The following SLC8A1 variants were observed in gnomAD, a reference collection of about 807,000 sequenced individuals.
SLC8A1 encodes the protein sodium/calcium exchanger 1.
In SLC8A1, 18 loss-of-function variants were observed where a neutral mutation model predicts 68.3. The observed-to-expected ratio is 0.26, with a 90% CI of 0.18 to 0.39. The LOEUF (loss-of-function observed/expected upper bound fraction) is 0.39, where lower values mean the gene tolerates loss of function less well. Ranked by LOEUF, SLC8A1 falls within the 10% of genes least tolerant of loss-of-function variation. SLC8A1 has a pLI of 1.00. For synonymous variants in SLC8A1, 475 were observed against 415.5 expected, an observed-to-expected ratio of 1.14 and a Z score of -1.74; for missense variants, 985 against 1,156.7, an observed-to-expected ratio of 0.85 and a Z score of 2.15.
chr2:40,483,050 C>T (rs969574792), intron 1 of SLC8A1, among the ~76,000 whole-genome samples: 14 of 151,298 alleles, frequency 9.3e-5, no homozygotes, highest in Admixed American at 6.6e-4. Flanking sequence ...GTGATCCGCC[C>T]GCCTCGGGCT....
At chr2:40,417,871 A>G (rs1409267685) in intron 2 of SLC8A1, among the ~76,000 whole-genome samples, 1 of 64,110 alleles carries the variant, frequency 1.6e-5, no homozygotes, top group Non-Finnish European at 2.5e-5. Context: ...TTGGATGGAT[A>G]CACACACACA....
At chr2:40,266,962 T>C (rs942052010) in intron 2 of SLC8A1, among the ~76,000 whole-genome samples, 4 of 152,182 alleles carry the variant, frequency 2.6e-5, no homozygotes, top group African/African-American at 9.7e-5. Context: ...CCCATAGAAC[T>C]GGATGTACAG....
At chr2:40,484,243 G>A (rs942881615) in intron 1 of SLC8A1, among the ~76,000 whole-genome samples, 2 of 152,186 alleles carry the variant, frequency 1.3e-5, no homozygotes, top group African/African-American at 4.8e-5. Flanking sequence ...GTTGACAGTG[G>A]TAGTGGGAGC....
At chr2:40,474,022 A>G (rs1187236103) in intron 1 of SLC8A1, among the ~76,000 whole-genome samples, 8 of 152,324 alleles carry the variant, frequency 5.3e-5, no homozygotes. Context: ...AAAATAAGTT[A>G]CATGATCTAG....
intron 2 of SLC8A1, among the ~76,000 whole-genome samples, chr2:40,291,897 TCTTTA>T (rs1481545765): frequency 1.3e-5 from 2 of 149,850 alleles, no homozygotes; most frequent in African/African-American, 5.0e-5. Context: ...GGACAAGACA[TCTTTA>T]CTTTTTTTTT....
chr2:40,289,036 C>T (rs1379868252), intron 2 of SLC8A1, among the ~76,000 whole-genome samples: 2 of 151,434 alleles, frequency 1.3e-5, no homozygotes, highest in African/African-American at 4.9e-5. Flanking sequence ...CAATATTATC[C>T]TATGTTCTAT....
chr2:40,453,375 G>GT (rs574047299), upstream of SLC8A1: 1,063 of 152,078 alleles, frequency 7.0e-3, 11 homozygotes, highest in Non-Finnish European at 0.011. Context: ...CAGAAAGTTA[G>GT]TTTTTTTTCG....
chr2:40,345,238 G>A (rs542888833), intron 2 of SLC8A1, among the ~76,000 whole-genome samples: 104 of 152,146 alleles, frequency 6.8e-4, no homozygotes, highest in Non-Finnish European at 1.0e-3. Flanking sequence ...AATTTCACTA[G>A]GGGCCCTGCT....
intron 4 of SLC8A1, among the ~76,000 whole-genome samples, chr2:40,170,865 TC>T (rs1451790232): frequency 2.7e-4 from 41 of 152,278 alleles, no homozygotes; most frequent in Non-Finnish European, 4.0e-4. Context: ...CTCCAGTTTC[TC>T]CCCATGTAAA....
intron 2 of SLC8A1, among the ~76,000 whole-genome samples, chr2:40,411,089 C>T (rs947652644): frequency 9.2e-5 from 14 of 151,932 alleles, no homozygotes; most frequent in East Asian, 3.9e-4. Context: ...GACTTTCATA[C>T]GAAATAAATG....
At chr2:40,237,921 G>T (rs536547514) in intron 2 of SLC8A1, among the ~76,000 whole-genome samples, 13 of 122,900 alleles carry the variant, frequency 1.1e-4, no homozygotes, top group African/African-American at 3.3e-4. Context: ...CTGCTCGGGG[G>T]TCAGGGGTCA....
chr2:40,422,130 C>T (rs1019509312), intron 2 of SLC8A1, among the ~76,000 whole-genome samples: 1 of 152,046 alleles, frequency 6.6e-6, no homozygotes, highest in African/African-American at 2.4e-5. Flanking sequence ...ATGCCACTTA[C>T]CCACAGTACA....
intron 7 of SLC8A1, among the ~76,000 whole-genome samples, chr2:40,119,248 T>G (rs1020267768): frequency 1.2e-4 from 19 of 152,178 alleles, no homozygotes; most frequent in Admixed American, 7.9e-4. Context: ...AACATGTTTT[T>G]GGCTACTTTG....
At chr2:40,245,367 G>A (rs577800556) in intron 2 of SLC8A1, among the ~76,000 whole-genome samples, 6 of 140,096 alleles carry the variant, frequency 4.3e-5, no homozygotes, top group East Asian at 4.2e-4. Context: ...CATTCAAGTC[G>A]TTATTTTCCT....
At chr2:40,253,041 G>GTATATATGTATATACATA (rs1249918618) in intron 2 of SLC8A1, among the ~76,000 whole-genome samples, 1 of 29,312 alleles carries the variant, frequency 3.4e-5, no homozygotes, top group Admixed American at 5.3e-4. Flanking sequence ...ATATGTATCA[G>GTATATATGTATATACATA]TATATGTATA....
chr2:40,195,902 T>G (rs144144789), intron 2 of SLC8A1: 1 of 152,040 alleles, frequency 6.6e-6, no homozygotes, highest in African/African-American at 2.4e-5. Context: ...CAAAGAAATG[T>G]GAAATCCAAT....
intron 2 of SLC8A1, among the ~76,000 whole-genome samples, chr2:40,250,789 A>T (rs1377508493): frequency 6.6e-6 from 1 of 152,152 alleles, no homozygotes; most frequent in Non-Finnish European, 1.5e-5. Context: ...GGAAAGGCAA[A>T]TGGGATGTTT....
rs12988182 is a variant in SLC8A1 at position 40,253,325 on chromosome 2, T to C, written c.1809-75470A>G. Among the ~76,000 whole-genome samples the C allele has an allele frequency of 8.6e-3, 1,304 of 151,172 alleles. 10 individuals carry two copies. The highest frequency in any genetic ancestry group is 0.014 in the Non-Finnish European group (941 of 67,786). On this transcript the variant is annotated intron_variant, in intron 2 of 7. Transcript: ENST00000406785. Reference sequence around the variant, plus strand: ...ATATATACACATATATACACACACATATATGTGTATATATATACACACACA... The same window carrying C: ...ATATATACACATATATACACACACACATATGTGTATATATATACACACACA...
intron 2 of SLC8A1, among the ~76,000 whole-genome samples, chr2:40,339,778 T>C (rs747735823): frequency 6.6e-6 from 1 of 152,186 alleles, no homozygotes; most frequent in Non-Finnish European, 1.5e-5. Flanking sequence ...CTAAGACGTA[T>C]CTAAATAGAT....
Sources: gnomAD v4.1 joint callset for allele counts (sites outside exome capture counted in the v4.1 genomes callset) on GRCh38, gnomAD v4.1.1 for gene constraint, MANE v1.5 for transcripts, NCBI Gene and HGNC (gene_info 2026-07-23, HGNC 2026-07-21) for gene names.